Variants in EML6 observed in about 807,000 individuals in gnomAD.
The protein encoded by EML6 is echinoderm microtubule-associated protein-like 6.
In EML6, 154 loss-of-function variants were observed where a neutral mutation model predicts 240.1. That is an observed-to-expected ratio of 0.64 (90% confidence interval 0.56 to 0.73). EML6 has a LOEUF of 0.73. Among genes scored for constraint, EML6 ranks in the 30% least tolerant of loss-of-function variants. The pLI is 0.00. For missense variants in EML6, 2,964 were observed against 2,474.6 expected (o/e 1.20, Z -4.20); for synonymous variants, 1,148 against 899.0 (o/e 1.28, Z -4.95).
chr2:54,927,875 C>G (rs1558694899), intron 26 of EML6, among the ~76,000 whole-genome samples: 1 of 152,200 alleles, frequency 6.6e-6, no homozygotes, highest in Admixed American at 6.5e-5. Context: ...ATAAGATATC[C>G]TTTGCTCTTC....
At chr2:54,742,531 G>C (rs983319077) in intron 2 of EML6, among the ~76,000 whole-genome samples, 1 of 152,218 alleles carries the variant, frequency 6.6e-6, no homozygotes, top group African/African-American at 2.4e-5. Flanking sequence ...TCTTAAACAC[G>C]TCTCAATTCT....
intron 33 of EML6, 59 bp downstream of exon 33, chr2:54,958,057 G>A (rs915360669): frequency 7.0e-7 from 1 of 1,433,526 alleles, no homozygotes; most frequent in African/African-American, 1.4e-5. Flanking sequence ...CATGGGCATG[G>A]GCATGGGCAG....
intron 2 of EML6, among the ~76,000 whole-genome samples, chr2:54,772,569 G>T (rs1459230828): frequency 1.3e-5 from 2 of 152,170 alleles, no homozygotes; most frequent in African/African-American, 4.8e-5. Context: ...CTTTTTGTTT[G>T]TAAGAGTGGC....
At chr2:54,893,231 C>G (rs1208129875) in intron 19 of EML6, among the ~76,000 whole-genome samples, 1 of 152,158 alleles carries the variant, frequency 6.6e-6, no homozygotes, top group Non-Finnish European at 1.5e-5. Context: ...ATTACACTTA[C>G]CTTCTCTCAG....
chr2:54,754,048 T>C (rs1388503713), intron 2 of EML6, among the ~76,000 whole-genome samples: 1 of 150,408 alleles, frequency 6.6e-6, no homozygotes, highest in Non-Finnish European at 1.5e-5. Flanking sequence ...GGCAGGAGAA[T>C]TGCTTGAACC....
At chr2:54,805,006 G>A (rs1462252095) in intron 2 of EML6, among the ~76,000 whole-genome samples, 3 of 151,838 alleles carry the variant, frequency 2.0e-5, no homozygotes, top group African/African-American at 7.3e-5. Flanking sequence ...TTATTTTTGG[G>A]ATTGTCAACT....
intron 29 of EML6, 137 bp from the exon 30 acceptor site, chr2:54,950,513 T>C: frequency 1.1e-6 from 1 of 929,598 alleles, no homozygotes; most frequent in Non-Finnish European, 1.5e-6. Flanking sequence ...AAGCAAAATG[T>C]TTTCAGTGAG....
At chr2:54,816,989 A>G (rs961511678) in intron 4 of EML6, 104 bp downstream of exon 4, 9 of 713,468 alleles carry the variant, frequency 1.3e-5, no homozygotes, top group Non-Finnish European at 2.2e-5. Flanking sequence ...ATTTCAGTAT[A>G]CATTTTTTCC....
chr2:54,966,531 C>G (rs2580763), intron 38 of EML6, among the ~76,000 whole-genome samples: 140,764 of 152,302 alleles, frequency 0.92, 65,197 homozygotes, highest in Middle Eastern at 0.99. Flanking sequence ...ATCTGTGTCA[C>G]CCACTGTCCA....
chr2:54,963,197 C>T (rs1380321104), intron 36 of EML6, among the ~76,000 whole-genome samples: 2 of 152,178 alleles, frequency 1.3e-5, no homozygotes, highest in South Asian at 2.1e-4. Flanking sequence ...AAAACAAGTA[C>T]TCAAGTTCAA....
chr2:54,785,550 C>A (rs751929119), intron 2 of EML6, among the ~76,000 whole-genome samples: 1 of 152,184 alleles, frequency 6.6e-6, no homozygotes, highest in Non-Finnish European at 1.5e-5. Flanking sequence ...TACAGAGGTA[C>A]AGTGTGCACT....
chr2:54,916,974 C>T (rs1220300817), intron 26 of EML6, 39 bp downstream of exon 26: 4 of 1,412,720 alleles, frequency 2.8e-6, no homozygotes, highest in Non-Finnish European at 3.9e-6. Context: ...TGCTCAGTCT[C>T]CTTAATAACC....
upstream of EML6, chr2:54,723,628 G>A (rs976362564): frequency 6.6e-6 from 1 of 152,276 alleles, no homozygotes; most frequent in Non-Finnish European, 1.5e-5. Context: ...CCGGAGCCCC[G>A]GCTGGAGGAA....
chr2:54,763,668 C>T (rs879137624), intron 2 of EML6, among the ~76,000 whole-genome samples: 5 of 152,156 alleles, frequency 3.3e-5, no homozygotes, highest in Non-Finnish European at 5.9e-5. Context: ...GAATGAAAAT[C>T]GTCTTTCTCC....
chr2:54,958,988 C>G, intron 33 of EML6, 116 bp from the exon 34 acceptor site: 3 of 982,948 alleles, frequency 3.1e-6, no homozygotes, highest in South Asian at 1.8e-5. Context: ...ACAAAGAGAT[C>G]AAACTGCCTA....
At chr2:54,801,582 T>A (rs1670151631) in intron 2 of EML6, among the ~76,000 whole-genome samples, 1 of 152,166 alleles carries the variant, frequency 6.6e-6, no homozygotes, top group African/African-American at 2.4e-5. Context: ...TATGGATGAA[T>A]CCGTTTCCCC....
intron 2 of EML6, among the ~76,000 whole-genome samples, chr2:54,798,945 A>G (rs999277396): frequency 2.6e-5 from 4 of 152,094 alleles, no homozygotes; most frequent in African/African-American, 9.7e-5. Flanking sequence ...GGGAATTTCC[A>G]TTCTATTCTT....
chr2:54,957,881 G>T lies in EML6; in HGVS notation c.4578G>T (p.Gly1526=), dbSNP rs1040440394. 5.2e-6 allele frequency: 8 copies of T among 1,551,474 alleles called. No homozygotes were observed. In the East Asian group the frequency reaches 2.0e-4, roughly 38 times the overall value. ...CAGACACGCAGTTTGTATCTGTCGG[G>T]GTCAAACATATGAAGTTCTGGACCC... The part of the protein sequence containing the change: ...PDSDTQFVSV[G]VKHMKFWTLA... Residue 1526 remains glycine (G), a synonymous_variant, in exon 33 of 42, where the codon GGG becomes GGT. Coordinates refer to ENST00000356458, the MANE Select transcript of EML6 (RefSeq NM_001039753.4).
At chr2:54,767,340 T>C (rs1317275754) in intron 2 of EML6, among the ~76,000 whole-genome samples, 1 of 152,180 alleles carries the variant, frequency 6.6e-6, no homozygotes, top group East Asian at 1.9e-4. Context: ...TTTGCCTTTT[T>C]ATTATATGAT....
Sources: gnomAD v4.1 joint callset for allele counts (sites outside exome capture counted in the v4.1 genomes callset) on GRCh38, gnomAD v4.1.1 for gene constraint, MANE v1.5 for transcripts, NCBI Gene and HGNC (gene_info 2026-07-23, HGNC 2026-07-21) for gene names.